The following CDH4 variants were observed in gnomAD, a reference collection of about 807,000 sequenced individuals.
The protein encoded by CDH4 is cadherin-4.
CDH4 carries 33 observed loss-of-function variants against 86.0 expected under a neutral mutation model. The observed-to-expected ratio is 0.38, with a 90% CI of 0.29 to 0.51. The LOEUF is 0.51. Ranked by LOEUF, CDH4 falls within the 20% of genes least tolerant of loss-of-function variation. The probability of loss-of-function intolerance (pLI) is 0.86; values close to 1 mark genes in which losing one functional copy is unlikely to be tolerated. For missense variants in CDH4, 1,114 were observed against 1,307.4 expected (o/e 0.85, Z 2.28); for synonymous variants, 555 against 549.4 (o/e 1.01, Z -0.14).
At chr20:61,464,711 G>A (rs2085463390) in intron 2 of CDH4, among the ~76,000 whole-genome samples, 1 of 152,176 alleles carries the variant, frequency 6.6e-6, no homozygotes, top group Non-Finnish European at 1.5e-5. Context: ...TAACATAGGT[G>A]TCTCTGCTGT....
chr20:61,315,854 C>T lies in CDH4; in HGVS notation c.169+60917C>T, dbSNP rs139251941. On this transcript the variant is annotated intron_variant, in intron 2 of 15. Transcript: ENST00000614565. ...GAGTAGCTAGGACTACAGGTGTACA[C>T]CACCATGTCCAGCTAATTTTTTGTT... Among the ~76,000 whole-genome samples the T allele has an allele frequency of 1.1e-4, 17 of 152,316 alleles. No homozygotes were observed. The East Asian group carries it at 3.1e-3, about 28-fold the overall frequency.
chr20:61,310,363 C>T (rs1377720873), intron 2 of CDH4, among the ~76,000 whole-genome samples: 2 of 152,160 alleles, frequency 1.3e-5, no homozygotes, highest in African/African-American at 2.4e-5. Flanking sequence ...GGACCAGTTT[C>T]GTGGAGGATA....
chr20:61,839,212 G>A (rs1982023278), intron 4 of CDH4, among the ~76,000 whole-genome samples: 1 of 152,220 alleles, frequency 6.6e-6, no homozygotes, highest in South Asian at 2.1e-4. Flanking sequence ...GGCTTGATGA[G>A]TGGCAGGCAA....
intron 4 of CDH4, among the ~76,000 whole-genome samples, chr20:61,825,779 T>C (rs1112041): frequency 0.024 from 3,729 of 152,290 alleles, 120 homozygotes; most frequent in East Asian, 0.1. Context: ...AAACTTTTCA[T>C]GTCCAACCGA....
rs528249492 is a variant in CDH4 at position 61,501,299 on chromosome 20, C to T, written c.170-242264C>T. ...GCAGCCTGCGATAATACAGCTAATA[C>T]ATTATTGCCTCTGGCTTCCGTGCAG... On this transcript the variant is annotated intron_variant, in intron 2 of 15. Coordinates refer to ENST00000614565, the MANE Select transcript of CDH4 (RefSeq NM_001794.5). The surrounding 1 kb of genome is among the most constrained non-coding windows in gnomAD (Gnocchi z 4.2). 3.9e-5 allele frequency among the ~76,000 whole-genome samples: 6 copies of T among 152,292 alleles called. No individual in the cohort carries two copies. Among genetic ancestry groups the T allele is most frequent in the African/African-American group, 7.2e-5 (3 of 41,572 alleles).
At chr20:61,881,796 G>A (rs559278150) in intron 7 of CDH4, among the ~76,000 whole-genome samples, 6 of 152,350 alleles carry the variant, frequency 3.9e-5, no homozygotes, top group South Asian at 2.1e-4. Context: ...GGGTTTAATC[G>A]TGGTCCCCAG....
chr20:61,379,869 T>C (rs977373360), intron 2 of CDH4, among the ~76,000 whole-genome samples: 2 of 152,132 alleles, frequency 1.3e-5, no homozygotes, highest in African/African-American at 4.8e-5. Context: ...GACTCAAAAA[T>C]AGGTAGCATT....
At chr20:61,742,650 C>T (rs372124368) in intron 2 of CDH4, among the ~76,000 whole-genome samples, 119 of 152,302 alleles carry the variant, frequency 7.8e-4, no homozygotes, top group African/African-American at 2.6e-3. Flanking sequence ...GAATGTGACA[C>T]GGGCTGTGGG....
chr20:61,809,350 A>G (rs561275517), intron 4 of CDH4, among the ~76,000 whole-genome samples: 10 of 152,306 alleles, frequency 6.6e-5, no homozygotes, highest in East Asian at 3.9e-4. Flanking sequence ...AAATTCATCT[A>G]TGATCTTAAA....
At chr20:61,743,166 C>T (rs2145942439) in intron 2 of CDH4, among the ~76,000 whole-genome samples, 1 of 152,342 alleles carries the variant, frequency 6.6e-6, no homozygotes. Context: ...ACAGTCTCTG[C>T]TGGCAGGAAG....
chr20:61,575,567 T>C (rs1326875573), intron 2 of CDH4, among the ~76,000 whole-genome samples: 1 of 152,240 alleles, frequency 6.6e-6, no homozygotes, highest in Non-Finnish European at 1.5e-5. Context: ...GGGATCATGA[T>C]TCTATAGAAC....
At chr20:61,935,684 A>G (rs2055174722) in intron 15 of CDH4, among the ~76,000 whole-genome samples, 1 of 152,182 alleles carries the variant, frequency 6.6e-6, no homozygotes. Flanking sequence ...TCAGGAGTTC[A>G]AGACCAGACT....
At position 61,714,021 on chromosome 20, in the gene CDH4, T is replaced by TATTTTATTTTATTTTATTTTATTTTA. The variant is rs1555828912; in HGVS notation, c.170-29542_170-29541insATTTTATTTTATTTTATTTTATTTTA. 5.5e-4 allele frequency among the ~76,000 whole-genome samples: 75 copies of TATTTTATTTTATTTTATTTTATTTTA among 135,974 alleles called. 8 individuals are homozygous for TATTTTATTTTATTTTATTTTATTTTA. In the South Asian group the frequency reaches 0.02, roughly 37 times the overall value. 89.2% of individuals were successfully genotyped at this position (135,974 alleles called of 152,430 possible). On this transcript the variant is annotated intron_variant, in intron 2 of 15. Coordinates refer to ENST00000614565, the MANE Select transcript of CDH4 (RefSeq NM_001794.5). ...CTGTCTTAGTCCATTGTCTATTCTT[T>TATTTTATTTTATTTTATTTTATTTTA]TTTTATTTTATTTTATTTTATTTTA...
At chr20:61,342,323 C>T (rs748788641) in intron 2 of CDH4, among the ~76,000 whole-genome samples, 2 of 152,206 alleles carry the variant, frequency 1.3e-5, no homozygotes, top group African/African-American at 4.8e-5. Context: ...AATTACACAA[C>T]TCACCATGAC....
chr20:61,745,684 G>A (rs2088405627), intron 3 of CDH4, among the ~76,000 whole-genome samples: 1 of 151,930 alleles, frequency 6.6e-6, no homozygotes, highest in South Asian at 2.1e-4. Flanking sequence ...TGGACAGCCT[G>A]GGGACCCTGT....
At position 61,832,906 on chromosome 20, in the gene CDH4, AG is replaced by A. The variant is rs200445204; in HGVS notation, c.577-11761del. ...TGCCCCTGACACTGATGCTATTACT[AG>A]TACTGTCAAAATTGTAATGTCAGCC... On this transcript the variant is annotated intron_variant, in intron 4 of 15. Coordinates refer to ENST00000614565, the MANE Select transcript of CDH4 (RefSeq NM_001794.5). Among the ~76,000 whole-genome samples the A allele has an allele frequency of 7.3e-3, 1,108 of 152,298 alleles. 14 individuals are homozygous for A. Among genetic ancestry groups the A allele is most frequent in the African/African-American group, 0.022 (921 of 41,552 alleles).
Position 61,783,634 on chromosome 20 carries a change from G to T in CDH4, c.576+10452G>T, listed in dbSNP as rs138781741. 1.7e-3 allele frequency among the ~76,000 whole-genome samples: 221 copies of T among 132,502 alleles called. 11 individuals are homozygous for T. The highest frequency in any genetic ancestry group is 5.9e-3 in the African/African-American group (202 of 34,466). The allele number at this position is 132,502 out of a possible 152,430, so 86.9% of individuals were successfully genotyped here. Reference sequence around the variant, plus strand: ...GTCCTGTGCTCCCAGGAGAATATAAGCCTAGTTCCTCGGGACAGTTCTCGA... The same window carrying T: ...GTCCTGTGCTCCCAGGAGAATATAATCCTAGTTCCTCGGGACAGTTCTCGA... On this transcript the variant is annotated intron_variant, in intron 4 of 15. Coordinates refer to ENST00000614565, the MANE Select transcript of CDH4 (RefSeq NM_001794.5).
chr20:61,258,655 A>G (rs1478056211), intron 2 of CDH4, among the ~76,000 whole-genome samples: 3 of 152,250 alleles, frequency 2.0e-5, no homozygotes, highest in Non-Finnish European at 2.9e-5. Flanking sequence ...TTCTTACATA[A>G]CCGTGAGTGC....
At chr20:61,886,581 C>A (rs941256788) in intron 7 of CDH4, among the ~76,000 whole-genome samples, 2 of 152,236 alleles carry the variant, frequency 1.3e-5, no homozygotes, top group East Asian at 1.9e-4. Context: ...CGCCCAGACA[C>A]CTCCATCGAG....
Sources: gnomAD v4.1 joint callset for allele counts (sites outside exome capture counted in the v4.1 genomes callset) on GRCh38, gnomAD v4.1.1 for gene constraint, Gnocchi (gnomAD v3.1) non-coding constraint, MANE v1.5 for transcripts, NCBI Gene and HGNC (gene_info 2026-07-23, HGNC 2026-07-21) for gene names.